IQCM: variants seen among roughly 807,000 people sequenced by gnomAD.
The protein encoded by IQCM is IQ motif containing M.
IQCM carries 45 observed loss-of-function variants against 57.6 expected under a neutral mutation model. That is an observed-to-expected ratio of 0.78 (90% CI 0.62 to 1.00). The LOEUF is 1.00. Ranked by LOEUF, IQCM falls within the 50% of genes least tolerant of loss-of-function variation. The probability of loss-of-function intolerance (pLI) is 0.00; values close to 1 mark genes in which losing one functional copy is unlikely to be tolerated. For synonymous variants in IQCM, 148 were observed against 158.9 expected, an observed-to-expected ratio of 0.93 and a Z score of 0.51; for missense variants, 468 against 511.6, an observed-to-expected ratio of 0.91 and a Z score of 0.82.
chr4:149,798,742 C>CA (rs1201417413), intron 2 of IQCM, among the ~76,000 whole-genome samples: 1 of 151,892 alleles, frequency 6.6e-6, no homozygotes, highest in Non-Finnish European at 1.5e-5. Flanking sequence ...CCATAAGAGA[C>CA]AAAAAAGTTC....
At chr4:149,756,625 AAT>A (rs888703158) in intron 2 of IQCM, among the ~76,000 whole-genome samples, 4 of 152,218 alleles carry the variant, frequency 2.6e-5, no homozygotes, top group African/African-American at 7.2e-5. Flanking sequence ...TATGCTTATA[AAT>A]ATGTTTATGT....
chr4:149,578,114 T>G (rs1443616542), intron 9 of IQCM, among the ~76,000 whole-genome samples: 1 of 151,818 alleles, frequency 6.6e-6, no homozygotes. Context: ...ACGGAACCTT[T>G]AGGCAGAGGC....
intron 2 of IQCM, among the ~76,000 whole-genome samples, chr4:149,803,715 A>G (rs1039634485): frequency 6.6e-6 from 1 of 151,930 alleles, no homozygotes; most frequent in Non-Finnish European, 1.5e-5. Flanking sequence ...ATCTGTGTCT[A>G]TATTTGCTTC....
chr4:149,743,149 C>T (rs1767616387), intron 2 of IQCM, among the ~76,000 whole-genome samples: 1 of 152,160 alleles, frequency 6.6e-6, no homozygotes, highest in Non-Finnish European at 1.5e-5. Flanking sequence ...CTACTACTTG[C>T]TTTCTTACTA....
chr4:149,706,425 G>A (rs77782313), intron 5 of IQCM, among the ~76,000 whole-genome samples: 3,996 of 152,002 alleles, frequency 0.026, 139 homozygotes, highest in South Asian at 0.16. Context: ...ATCAGAGTGT[G>A]TCTAGATGGC....
chr4:149,579,299 C>G (rs958761782), intron 9 of IQCM, among the ~76,000 whole-genome samples: 5 of 151,786 alleles, frequency 3.3e-5, no homozygotes, highest in African/African-American at 9.7e-5. Context: ...GAAGTACACT[C>G]TTGACTTCTC....
intron 7 of IQCM, among the ~76,000 whole-genome samples, chr4:149,647,628 T>C (rs1262559467): frequency 6.6e-6 from 1 of 152,006 alleles, no homozygotes; most frequent in Non-Finnish European, 1.5e-5. Context: ...TTCTTTTGCT[T>C]TTCTTTTTTT....
intron 13 of IQCM, among the ~76,000 whole-genome samples, chr4:149,379,308 A>G (rs1378332692): frequency 2.0e-5 from 3 of 152,146 alleles, no homozygotes; most frequent in Non-Finnish European, 4.4e-5. Context: ...AGATCCCTGA[A>G]TGGTAGATCC....
At chr4:149,501,352 G>A (rs931547387) in intron 12 of IQCM, among the ~76,000 whole-genome samples, 4 of 152,148 alleles carry the variant, frequency 2.6e-5, no homozygotes, top group Admixed American at 1.3e-4. Context: ...TTGAGGGCCT[G>A]AAATATAACA....
intron 4 of IQCM, among the ~76,000 whole-genome samples, chr4:149,735,165 A>G (rs991083963): frequency 6.6e-6 from 1 of 152,224 alleles, no homozygotes; most frequent in African/African-American, 2.4e-5. Context: ...ACACATTTGT[A>G]TAATTAAAAT....
At chr4:149,583,802 G>T (rs139882913) in intron 9 of IQCM, among the ~76,000 whole-genome samples, 1 of 151,460 alleles carries the variant, frequency 6.6e-6, no homozygotes, top group East Asian at 1.9e-4. Flanking sequence ...TTTTTGCTTA[G>T]ATATTGAGGA....
chr4:149,724,371 T>C (rs918414475), intron 5 of IQCM, among the ~76,000 whole-genome samples: 6 of 152,072 alleles, frequency 3.9e-5, no homozygotes, highest in Non-Finnish European at 8.8e-5. Flanking sequence ...AGCTATGTAG[T>C]CATTTTAAAG....
At chr4:149,752,495 T>C (rs1372281851) in intron 2 of IQCM, among the ~76,000 whole-genome samples, 1 of 146,564 alleles carries the variant, frequency 6.8e-6, no homozygotes, top group Admixed American at 6.9e-5. Flanking sequence ...GAGGTTCTAG[T>C]GAGCCGAGAT....
chr4:149,508,271 C>T (rs552631352), intron 12 of IQCM, among the ~76,000 whole-genome samples: 1 of 151,932 alleles, frequency 6.6e-6, no homozygotes, highest in Non-Finnish European at 1.5e-5. Context: ...GAGAAGAGGG[C>T]CACCATCCTC....
intron 2 of IQCM, among the ~76,000 whole-genome samples, chr4:149,791,590 C>A (rs1400937179): frequency 6.6e-6 from 1 of 152,178 alleles, no homozygotes; most frequent in Non-Finnish European, 1.5e-5. Flanking sequence ...CCTCCACTAC[C>A]TTTTCCCAGC....
intron 2 of IQCM, chr4:149,789,804 A>AGGAGTTG (rs1772417894): frequency 6.5e-6 from 1 of 154,992 alleles, no homozygotes; most frequent in African/African-American, 2.4e-5. Context: ...CAGGAGGCTA[A>AGGAGTTG]GGAGTTGGGA....
chr4:149,468,933 T>C (rs1189572100), intron 12 of IQCM, among the ~76,000 whole-genome samples: 1 of 152,008 alleles, frequency 6.6e-6, no homozygotes, highest in Non-Finnish European at 1.5e-5. Flanking sequence ...GAAGGAAAAC[T>C]AACAAACAGA....
chr4:149,799,038 AT>A (rs112048641), intron 2 of IQCM, among the ~76,000 whole-genome samples: 25,262 of 146,258 alleles, frequency 0.17, 3,862 homozygotes, highest in African/African-American at 0.38. Flanking sequence ...TGCATCCTTT[AT>A]TTTTTTTTTT....
chr4:149,392,456 T>C lies in IQCM; in HGVS notation c.1391-40390A>G, dbSNP rs143215215. On this transcript the variant is annotated intron_variant, in intron 13 of 13. Transcript: ENST00000636793. Reference sequence around the variant, plus strand: ...GAAGGTTGCAACCTCAGTAGAAGAATGGACTAGATTAAAATCTGTCCACGG... The same window carrying C: ...GAAGGTTGCAACCTCAGTAGAAGAACGGACTAGATTAAAATCTGTCCACGG... Among the ~76,000 whole-genome samples, 761 of 152,134 alleles carry C rather than the reference T, an allele frequency of 5.0e-3. 2 individuals carry two copies. The highest frequency in any genetic ancestry group is 7.7e-3 in the Non-Finnish European group (526 of 67,936).
Sources: allele counts gnomAD v4.1 joint callset (sites outside exome capture counted in the v4.1 genomes callset), GRCh38; gene constraint gnomAD v4.1.1; transcripts MANE v1.5; gene names NCBI Gene and HGNC (gene_info 2026-07-23, HGNC 2026-07-21).